The following TNS3 variants were observed in gnomAD, a reference collection of about 807,000 sequenced individuals.
TNS3 encodes the protein tensin 3.
In TNS3, 45 loss-of-function variants were observed where a neutral mutation model predicts 140.9. The observed-to-expected ratio is 0.32, with a 90% CI of 0.25 to 0.41. TNS3 has a LOEUF of 0.41. TNS3 is among the 10% of genes least tolerant of loss of function. The pLI is 1.00. For missense variants in TNS3, 1,716 were observed against 1,906.7 expected (o/e 0.90, Z 1.86); for synonymous variants, 815 against 788.4 (o/e 1.03, Z -0.56).
intron 4 of TNS3, among the ~76,000 whole-genome samples, chr7:47,458,762 T>C (rs547075733): frequency 5.0e-4 from 76 of 152,290 alleles, no homozygotes; most frequent in Non-Finnish European, 1.0e-3. Flanking sequence ...TGTAGACCCC[T>C]GTGGCTGAAG....
intron 23 of TNS3, among the ~76,000 whole-genome samples, chr7:47,300,793 A>G (rs1014789003): frequency 6.6e-6 from 1 of 152,234 alleles, no homozygotes; most frequent in African/African-American, 2.4e-5. Flanking sequence ...TTCTTGAGAC[A>G]CAAGCAGGGC....
chr7:47,380,070 G>A (rs1562661299), intron 16 of TNS3, among the ~76,000 whole-genome samples: 1 of 152,268 alleles, frequency 6.6e-6, no homozygotes, highest in African/African-American at 2.4e-5. Flanking sequence ...AGCTGGGCCA[G>A]ATTCCAAGCG....
At chr7:47,427,161 G>A (rs151021373) in intron 9 of TNS3, among the ~76,000 whole-genome samples, 1 of 150,158 alleles carries the variant, frequency 6.7e-6, no homozygotes, top group Non-Finnish European at 1.5e-5. Flanking sequence ...GTGCTCAGGT[G>A]GTCTCTGTCC....
At chr7:47,451,640 C>T (rs1285955528) in intron 4 of TNS3, among the ~76,000 whole-genome samples, 1 of 152,148 alleles carries the variant, frequency 6.6e-6, no homozygotes, top group Non-Finnish European at 1.5e-5. Flanking sequence ...GGAAGCAGGA[C>T]TATGAACAGC....
intron 4 of TNS3, among the ~76,000 whole-genome samples, chr7:47,463,354 G>C (rs1394675729): frequency 6.6e-6 from 1 of 152,190 alleles, no homozygotes; most frequent in African/African-American, 2.4e-5. Flanking sequence ...TGGGGCATGA[G>C]AATCACTTGA....
chr7:47,496,533 A>G (rs1798013079), intron 3 of TNS3, among the ~76,000 whole-genome samples: 1 of 152,132 alleles, frequency 6.6e-6, no homozygotes, highest in East Asian at 1.9e-4. Flanking sequence ...AGCCCGCTGC[A>G]CCCCCAGCAG....
intron 4 of TNS3, among the ~76,000 whole-genome samples, chr7:47,456,433 G>A (rs1188217906): frequency 1.3e-5 from 2 of 152,312 alleles, no homozygotes; most frequent in East Asian, 3.9e-4. Flanking sequence ...GGGAATGGGG[G>A]TGGAAATGGC....
chr7:47,442,004 G>A lies in TNS3; in HGVS notation c.-24C>T, dbSNP rs11763044. On this transcript the variant is annotated splice_region_variant and 5_prime_UTR_variant, in exon 5 of 31. Coordinates refer to ENST00000311160, the MANE Select transcript of TNS3 (RefSeq NM_022748.12). ...TGCATGACCCACACAGACACTCACC[G>A]CAGAGGTTTATCACGGCAGAGAGAA... is the stretch of plus-strand genomic sequence containing the variant. 0.43 allele frequency: 552,929 copies of A among 1,289,054 alleles called. 123,615 individuals are homozygous for A. Among genetic ancestry groups the A allele is most frequent in the Admixed American group, 0.51 (22,171 of 43,496 alleles). 79.9% of individuals were successfully genotyped at this position (1,289,054 alleles called of 1,614,324 possible).
intron 13 of TNS3, among the ~76,000 whole-genome samples, chr7:47,406,311 T>C (rs947049941): frequency 2.0e-5 from 3 of 152,202 alleles, no homozygotes; most frequent in African/African-American, 7.2e-5. Context: ...TGCTGTTGCC[T>C]GCAGCAGCTC....
chr7:47,382,623 C>T (rs1791837757), intron 16 of TNS3, among the ~76,000 whole-genome samples: 1 of 152,130 alleles, frequency 6.6e-6, no homozygotes. Context: ...GGCCAGTCCA[C>T]CCTTAGTATG....
At chr7:47,438,745 C>A (rs1403035681) in intron 6 of TNS3, among the ~76,000 whole-genome samples, 1 of 152,192 alleles carries the variant, frequency 6.6e-6, no homozygotes, top group African/African-American at 2.4e-5. Context: ...GTCATTGGAG[C>A]AGACCAGCAA....
intron 1 of TNS3, chr7:47,579,897 T>G (rs947229103): frequency 8.2e-6 from 8 of 977,446 alleles, no homozygotes; most frequent in Non-Finnish European, 9.7e-6. Context: ...CAACACCTCC[T>G]GCAGTGGAAG....
At chr7:47,551,120 G>A (rs964344684) in intron 1 of TNS3, among the ~76,000 whole-genome samples, 5 of 152,166 alleles carry the variant, frequency 3.3e-5, no homozygotes, top group Admixed American at 2.0e-4. Context: ...TAAAACACCC[G>A]GTTCCTTCAG....
intron 13 of TNS3, among the ~76,000 whole-genome samples, chr7:47,402,412 G>A (rs1793217212): frequency 6.6e-6 from 1 of 152,186 alleles, no homozygotes; most frequent in Non-Finnish European, 1.5e-5. Flanking sequence ...GCATTGTGAA[G>A]AAATGTTGCC....
intron 1 of TNS3, among the ~76,000 whole-genome samples, chr7:47,573,635 A>G (rs1369058905): frequency 6.6e-6 from 1 of 152,042 alleles, no homozygotes; most frequent in Non-Finnish European, 1.5e-5. Flanking sequence ...CACCTCCCCC[A>G]GCCCAGCATC....
chr7:47,401,443 TAG>T (rs1793159185), intron 13 of TNS3, among the ~76,000 whole-genome samples: 1 of 152,170 alleles, frequency 6.6e-6, no homozygotes, highest in Non-Finnish European at 1.5e-5. Flanking sequence ...TGCTGTAATT[TAG>T]AGACAGAGAT....
chr7:47,517,106 A>T (rs937311629), intron 2 of TNS3, among the ~76,000 whole-genome samples: 1 of 152,176 alleles, frequency 6.6e-6, no homozygotes, highest in African/African-American at 2.4e-5. Context: ...TTGTATCCCA[A>T]TTCAGCCTGG....
chr7:47,279,302 A>T (rs1785020420), intron 30 of TNS3: 1 of 152,320 alleles, frequency 6.6e-6, no homozygotes, highest in African/African-American at 2.4e-5. Flanking sequence ...GTGGGAGGTT[A>T]GGATGAGGTC....
intron 30 of TNS3, chr7:47,279,958 A>G: frequency 1.6e-6 from 1 of 630,556 alleles, no homozygotes; most frequent in Non-Finnish European, 2.8e-6. Context: ...AATATTGCAC[A>G]TCCAGCCAAC....
Sources: allele counts gnomAD v4.1 joint callset (sites outside exome capture counted in the v4.1 genomes callset), GRCh38; gene constraint gnomAD v4.1.1; transcripts MANE v1.5; gene names NCBI Gene and HGNC (gene_info 2026-07-23, HGNC 2026-07-21).